Variants in ANKRD2 observed in about 807,000 individuals in gnomAD.
ANKRD2 encodes ankyrin repeat domain-containing protein 2.
Under a neutral mutation model 37.3 loss-of-function variants are expected in ANKRD2, and 35 were observed. That is an observed-to-expected ratio of 0.94 (90% CI 0.72 to 1.24). The LOEUF is 1.24. Among genes scored for constraint, ANKRD2 ranks in the 50% most tolerant of loss-of-function variants. The pLI, the probability that ANKRD2 is intolerant of heterozygous loss-of-function variation, is 0.00. For missense variants in ANKRD2, 410 were observed against 445.6 expected, an observed-to-expected ratio of 0.92 and a Z score of 0.72; for synonymous variants, 159 against 186.5, an observed-to-expected ratio of 0.85 and a Z score of 1.20.
chr10:97,578,053 C>G, intron 2 of ANKRD2, 152 bp downstream of exon 2: 1 of 1,081,384 alleles, frequency 9.2e-7, no homozygotes, highest in African/African-American at 1.6e-5. Flanking sequence ...CGTCCCAGAA[C>G]TACTGAGTCA....
At chr10:97,577,773 G>T in intron 1 of ANKRD2, 27 bp from the exon 2 acceptor site, 1 of 1,533,172 alleles carries the variant, frequency 6.5e-7, no homozygotes, top group South Asian at 1.2e-5. Flanking sequence ...TCGGGTCCTG[G>T]AGAAGGTGCC....
chr10:97,581,703 A>G (rs184665613), intron 6 of ANKRD2, among the ~76,000 whole-genome samples: 21 of 152,342 alleles, frequency 1.4e-4, no homozygotes, highest in Admixed American at 9.8e-4. Context: ...GGACCACTCA[A>G]AAGATGCAAG....
chr10:97,572,847 A>T lies in ANKRD2; in HGVS notation c.59A>T (p.Gln20Leu). The change falls in exon 1 of 9, where the codon CAG becomes CTG. Residue 20 changes from glutamine (Q) to leucine (L), a missense_variant. Gln to Leu is a moderately radical substitution (Grantham distance 113, BLOSUM62 -2). Transcript: ENST00000370655. ...CAGAGGGCCACAGCGCTCATCGAGC[A>T]GCGGCTGGCACAGGAGGAGGAGAAT... ...AVQRATALIE[Q>L]RLAQEEENEK... 1 of 1,556,462 alleles carries T rather than the reference A, an allele frequency of 6.4e-7. No individual in the cohort carries two copies. Among genetic ancestry groups the T allele is most frequent in the Non-Finnish European group, 8.7e-7 (1 of 1,149,960 alleles).
intron 1 of ANKRD2, among the ~76,000 whole-genome samples, chr10:97,575,791 G>A (rs142574099): frequency 6.6e-6 from 1 of 152,166 alleles, no homozygotes; most frequent in African/African-American, 2.4e-5. Flanking sequence ...TGCGCCTGTA[G>A]TCCCAGCTAC....
intron 1 of ANKRD2, among the ~76,000 whole-genome samples, chr10:97,573,671 C>T (rs1207578681): frequency 6.6e-6 from 1 of 152,166 alleles, no homozygotes; most frequent in African/African-American, 2.4e-5. Context: ...AGATGATCCA[C>T]CCACCTTGGC....
chr10:97,575,484 C>T (rs1589890595), intron 1 of ANKRD2, among the ~76,000 whole-genome samples: 1 of 152,308 alleles, frequency 6.6e-6, no homozygotes, highest in East Asian at 1.9e-4. Flanking sequence ...GCTGGGGACA[C>T]CAAGATGATT....
chr10:97,581,088 T>C, intron 5 of ANKRD2, 135 bp downstream of exon 5: 1 of 877,326 alleles, frequency 1.1e-6, no homozygotes, highest in Non-Finnish European at 1.8e-6. Flanking sequence ...CAGTGGCTTA[T>C]GTGACCTTGA....
chr10:97,572,879 C>G lies in ANKRD2; in HGVS notation c.87+4C>G. ...GGCACAGGAGGAGGAGAATGAGGTG[C>G]GAGCAGGGGTGGAGGTGCCCAAGGG... On this transcript the variant is annotated splice_donor_region_variant and intron_variant, in intron 1 of 8. Transcript: ENST00000370655. 1 of 1,550,884 alleles carries G rather than the reference C, an allele frequency of 6.4e-7. No individual in the cohort carries two copies. Among genetic ancestry groups the G allele is most frequent in the Non-Finnish European group, 8.7e-7 (1 of 1,146,884 alleles).
rs200455140 is a variant in ANKRD2 at position 97,579,173 on chromosome 10, ATT to A, written c.456+581_456+582del. On this transcript the variant is annotated intron_variant, in intron 4 of 8. Coordinates refer to ENST00000370655, the MANE Select transcript of ANKRD2 (RefSeq NM_001346793.2). ...TATACATATATAGATAAAGATATAGATTTTTTTTTTTTTTGGTAAAAGGAAAA... is the reference window on the plus strand; with the variant it reads ...TATACATATATAGATAAAGATATAGATTTTTTTTTTTTGGTAAAAGGAAAA... Among the ~76,000 whole-genome samples, 203 of 144,694 alleles carry A rather than the reference ATT, an allele frequency of 1.4e-3. 1 individual carries two copies. Among genetic ancestry groups the A allele is most frequent in the Middle Eastern group, 3.8e-3 (1 of 262 alleles). 94.9% of individuals were successfully genotyped at this position (144,694 alleles called of 152,430 possible). A position where few individuals can be genotyped will look rare whatever the true frequency, so the allele number is the denominator to read the frequency against.
Position 97,581,386 on chromosome 10 carries a change from A to G in ANKRD2, c.626A>G (p.His209Arg). Residue 209 changes from histidine (H) to arginine (R), a missense_variant, in exon 6 of 9, where the codon CAT becomes CGT. Physicochemically the swap from His to Arg is conservative, Grantham distance 29. Transcript: ENST00000370655. ...GAGGTGGTGAAACTTCTGCAAAGCC[A>G]TGGAGCAGACACCAATGTGAGGGAT... ...HLEVVKLLQSHGADTNVRDKL... is the reference protein window; with the variant it reads ...HLEVVKLLQSRGADTNVRDKL... 6.2e-7 allele frequency: 1 copy of G among 1,614,168 alleles called. No homozygotes were observed. Among genetic ancestry groups the G allele is most frequent in the Non-Finnish European group, 8.5e-7 (1 of 1,179,994 alleles).
In ANKRD2 at chr10:97,583,722, G is replaced by A. The variant is rs752868828; in HGVS notation, c.999G>A (p.Gln333=). Residue 333 remains glutamine, a synonymous_variant, in exon 9 of 9, where the codon CAG becomes CAA. Coordinates refer to ENST00000370655, the MANE Select transcript of ANKRD2 (RefSeq NM_001346793.2). ...GRETPQPVPA[Q] Reference sequence around the variant, plus strand: ...AGACCCCTCAGCCTGTGCCAGCCCAGTGAATGCGTGCCCCAGCCCAGCCAG... The same window carrying A: ...AGACCCCTCAGCCTGTGCCAGCCCAATGAATGCGTGCCCCAGCCCAGCCAG... 3 of 1,532,906 alleles carry A rather than the reference G, an allele frequency of 2.0e-6. No individual in the cohort carries two copies. The highest frequency in any genetic ancestry group is 4.0e-5 in the Admixed American group (2 of 49,684). 95.0% of individuals were successfully genotyped at this position (1,532,906 alleles called of 1,614,324 possible).
At chr10:97,577,552 A>G (rs2040840440) in intron 1 of ANKRD2, among the ~76,000 whole-genome samples, 1 of 152,226 alleles carries the variant, frequency 6.6e-6, no homozygotes, top group South Asian at 2.1e-4. Context: ...TTTTGCAGGG[A>G]TCCAGGCCAG....
chr10:97,579,998 C>T (rs1448129514), intron 4 of ANKRD2, among the ~76,000 whole-genome samples: 3 of 152,154 alleles, frequency 2.0e-5, no homozygotes, highest in African/African-American at 4.8e-5. Context: ...TTCTTGCTCT[C>T]GTATCCTGGA....
intron 3 of ANKRD2, 26 bp from the exon 4 acceptor site, chr10:97,578,472 C>A: frequency 6.3e-7 from 1 of 1,595,542 alleles, no homozygotes; most frequent in East Asian, 2.3e-5. Flanking sequence ...TGGGACGGCC[C>A]GTGACTGCTG....
intron 1 of ANKRD2, 31 bp from the exon 2 acceptor site, chr10:97,577,769 C>A: frequency 6.6e-7 from 1 of 1,522,788 alleles, no homozygotes; most frequent in South Asian, 1.2e-5. Context: ...CTCCTCGGGT[C>A]CTGGAGAAGG....
In ANKRD2 at chr10:97,577,784, C is replaced by T; in HGVS notation, c.88-16C>T. On this transcript the variant is annotated splice_polypyrimidine_tract_variant and intron_variant, in intron 1 of 8. Transcript: ENST00000370655. ...CTCCTCGGGTCCTGGAGAAGGTGCC[C>T]TCTTTGGATCACCAGAAACTCCGAG... is the stretch of plus-strand genomic sequence containing the variant. 6.5e-7 allele frequency: 1 copy of T among 1,546,518 alleles called. No homozygotes were observed. The highest frequency in any genetic ancestry group is 8.7e-7 in the Non-Finnish European group (1 of 1,144,216).
intron 1 of ANKRD2, among the ~76,000 whole-genome samples, chr10:97,576,473 C>A (rs572926586): frequency 8.1e-4 from 123 of 152,226 alleles, no homozygotes; most frequent in African/African-American, 2.7e-3. Context: ...AGCTGCTGCT[C>A]CCATCACCAA....
intron 5 of ANKRD2, 136 bp downstream of exon 5, chr10:97,581,089 G>A: frequency 1.2e-6 from 1 of 857,162 alleles, no homozygotes. Context: ...AGTGGCTTAT[G>A]TGACCTTGAG....
chr10:97,580,459 C>G (rs942043760), intron 4 of ANKRD2, among the ~76,000 whole-genome samples: 1 of 152,214 alleles, frequency 6.6e-6, no homozygotes, highest in Admixed American at 6.5e-5. Context: ...CGAACACACT[C>G]TCACAGTTAA....
Sources: gnomAD v4.1 joint callset for allele counts (sites outside exome capture counted in the v4.1 genomes callset) on GRCh38, gnomAD v4.1.1 for gene constraint, MANE v1.5 for transcripts, NCBI Gene and HGNC (gene_info 2026-07-23, HGNC 2026-07-21) for gene names.